Variants in CHUK observed in about 807,000 individuals in gnomAD.
CHUK encodes the protein component of inhibitor of nuclear factor kappa B kinase complex, also known as inhibitor of nuclear factor kappa-B kinase subunit alpha.
In CHUK, 35 loss-of-function variants were observed where a neutral mutation model predicts 104.8. The observed-to-expected ratio is 0.33, with a 90% CI of 0.26 to 0.44. The LOEUF is 0.44. Among genes scored for constraint, CHUK ranks in the 20% least tolerant of loss-of-function variants. CHUK has a pLI of 1.00. For missense variants in CHUK, 663 were observed against 902.7 expected (o/e 0.73, Z 3.40); for synonymous variants, 276 against 291.9 (o/e 0.95, Z 0.56).
At chr10:100,204,986 T>C in intron 12 of CHUK, 90 bp downstream of exon 12, 1 of 1,432,484 alleles carries the variant, frequency 7.0e-7, no homozygotes, top group South Asian at 1.2e-5. Flanking sequence ...TACTATTACA[T>C]GCAATATTGA....
At chr10:100,201,572 T>C (rs1845462996) in intron 14 of CHUK, among the ~76,000 whole-genome samples, 1 of 152,148 alleles carries the variant, frequency 6.6e-6, no homozygotes, top group Non-Finnish European at 1.5e-5. Flanking sequence ...ATATGGAAAC[T>C]AGCTGGATGT....
At chr10:100,227,918 A>C (rs543798090) in intron 1 of CHUK, among the ~76,000 whole-genome samples, 1 of 152,300 alleles carries the variant, frequency 6.6e-6, no homozygotes, top group Non-Finnish European at 1.5e-5. Context: ...GTAAGATCTT[A>C]CCTGTTCATC....
chr10:100,227,466 G>A (rs1245655060), intron 1 of CHUK, among the ~76,000 whole-genome samples: 1 of 151,822 alleles, frequency 6.6e-6, no homozygotes, highest in Non-Finnish European at 1.5e-5. Flanking sequence ...CTGCCAGCAT[G>A]CATCCTTTTT....
At chr10:100,221,922 C>A (rs17880122) in intron 4 of CHUK, among the ~76,000 whole-genome samples, 190 bp downstream of exon 4, 1 of 152,166 alleles carries the variant, frequency 6.6e-6, no homozygotes, top group South Asian at 2.1e-4. Context: ...AGGCGTGAGC[C>A]ACCGCACCTA....
In CHUK at chr10:100,191,017, T is replaced by C; in HGVS notation, c.2109-49A>G. On this transcript the variant is annotated intron_variant, in intron 19 of 20. Transcript: ENST00000370397. ...TTTTCAAACTCAGGAAAAGGGCATA[T>C]GAATTTCCTCTACTTTCTAGTCTTC... The C allele has an allele frequency of 4.5e-6, 5 of 1,104,742 alleles. No homozygotes were observed. The East Asian group carries it at 7.0e-5, about 16-fold the overall frequency. The allele number at this position is 1,104,742 out of a possible 1,614,324, so 68.4% of individuals were successfully genotyped here.
rs1294640482 is a variant in CHUK, at chr10:100,218,999, A to G, written c.689+9T>C. 6.2e-7 allele frequency: 1 copy of G among 1,613,906 alleles called. No homozygotes were observed. The highest frequency in any genetic ancestry group is 8.5e-7 in the Non-Finnish European group (1 of 1,179,948). ...ATTAAGCATGCCCAAGTTCTCATCC[A>G]TTTCTTACCAGGTAAATGGCTGCAG... On this transcript the variant is annotated intron_variant, in intron 7 of 20. Transcript: ENST00000370397.
intron 13 of CHUK, among the ~76,000 whole-genome samples, chr10:100,203,911 C>T (rs1005258999): frequency 1.3e-5 from 2 of 152,148 alleles, no homozygotes; most frequent in African/African-American, 4.8e-5. Context: ...ATAAAAACAA[C>T]AGAAATTTAT....
rs59218517 is a variant in CHUK, at chr10:100,228,993, G to GCACACACACACA, written c.105+423_105+434dup. ...GGCCTCCAAGCGCGCGCGCGCGCGCGCACACACACACACACACACACACAC... is the reference window on the plus strand; with the variant it reads ...GGCCTCCAAGCGCGCGCGCGCGCGCGCACACACACACACACACACACACACACACACACACAC... On this transcript the variant is annotated intron_variant, in intron 1 of 20. Coordinates refer to ENST00000370397, the MANE Select transcript of CHUK (RefSeq NM_001278.5). Among the ~76,000 whole-genome samples, 853 of 133,532 alleles carry GCACACACACACA rather than the reference G, an allele frequency of 6.4e-3. 3 individuals carry two copies. The highest frequency in any genetic ancestry group is 0.039 in the East Asian group (170 of 4,338). The allele number at this position is 133,532 out of a possible 152,430, so 87.6% of individuals were successfully genotyped here.
chr10:100,195,076 A>T (rs527662229), intron 16 of CHUK: 6 of 152,566 alleles, frequency 3.9e-5, no homozygotes, highest in Admixed American at 2.6e-4. Flanking sequence ...GCAGTATGAC[A>T]TCTTAAAGCC....
Position 100,222,955 on chromosome 10 carries a change from C to A in CHUK, c.226G>T (p.Ala76Ser), listed in dbSNP as rs765869094. The A allele has an allele frequency of 1.1e-5, 18 of 1,599,758 alleles. No homozygotes were observed. Among genetic ancestry groups the A allele is most frequent in the Non-Finnish European group, 1.5e-5 (17 of 1,167,424 alleles). Residue 76 changes from alanine to serine, a missense_variant, in exon 3 of 21, where the codon GCC (alanine) becomes TCC (serine). Around this residue, in one of 5 missense-constraint regions of CHUK, gnomAD observed 200 missense variants for 333.0 expected, o/e 0.60. Transcript: ENST00000370397. Reference protein sequence around the residue: ...KKLNHANVVKACDVPEELNIL... With the variant: ...KKLNHANVVKSCDVPEELNIL... ...TTCAATTCTTCAGGAACATCACAGG[C>A]CTTTACAACATTGGCATGGTTCAAC...
chr10:100,201,972 T>TTG, intron 14 of CHUK, 116 bp downstream of exon 14: 1 of 801,996 alleles, frequency 1.2e-6, no homozygotes, highest in African/African-American at 1.7e-5. Context: ...TACTAGAATT[T>TTG]TGTCTGAATT....
At chr10:100,193,572 C>T in intron 18 of CHUK, 141 bp from the exon 19 acceptor site, 1 of 979,370 alleles carries the variant, frequency 1.0e-6, no homozygotes, top group Non-Finnish European at 1.6e-6. Flanking sequence ...AAAACTATTC[C>T]CACCTTTACA....
In CHUK at chr10:100,194,524, A is replaced by G. The variant is rs774320218; in HGVS notation, c.1730-3T>C. ...TGTGCTGTCACTGTAGGAGTGATCT[A>G]TAAAAGACATCAGTCAGTGGATATA... is the stretch of plus-strand genomic sequence containing the variant. On this transcript the variant is annotated splice_polypyrimidine_tract_variant and splice_region_variant and intron_variant, in intron 16 of 20. Coordinates refer to ENST00000370397, the MANE Select transcript of CHUK (RefSeq NM_001278.5). The G allele has an allele frequency of 6.3e-7, 1 of 1,592,560 alleles. No homozygotes were observed. Among genetic ancestry groups the G allele is most frequent in the South Asian group, 1.1e-5 (1 of 90,422 alleles).
downstream of CHUK, chr10:100,186,712 T>TA (rs1422145282): frequency 1.3e-5 from 2 of 151,994 alleles, no homozygotes; most frequent in African/African-American, 4.8e-5. Flanking sequence ...CGTTTTAAAT[T>TA]AAAAAACCAT....
rs557208890 is a variant in CHUK, at chr10:100,208,471, G to A, written c.1128+1124C>T. 2.6e-5 allele frequency among the ~76,000 whole-genome samples: 4 copies of A among 151,796 alleles called. No individual in the cohort carries two copies. The South Asian group carries it at 8.5e-4, about 32-fold the overall frequency. On this transcript the variant is annotated intron_variant, in intron 10 of 20. Coordinates refer to ENST00000370397, the MANE Select transcript of CHUK (RefSeq NM_001278.5). ...ACTAATGCAGGCCTAAATAACAACT[G>A]TTTCAGCACGACTGAGTGGTGAAGT...
At chr10:100,207,617 TACATGCTACA>T (rs1254838597) in intron 10 of CHUK, among the ~76,000 whole-genome samples, 1 of 152,154 alleles carries the variant, frequency 6.6e-6, no homozygotes. Context: ...GAAGTACTGA[TACATGCTACA>T]ACATGCACGG....
intron 2 of CHUK, among the ~76,000 whole-genome samples, chr10:100,223,506 C>T (rs927082162): frequency 6.6e-6 from 1 of 151,396 alleles, no homozygotes; most frequent in African/African-American, 2.4e-5. Context: ...GGTGTGGTGG[C>T]GCATGCCTAT....
chr10:100,216,707 A>G (rs539128458), intron 9 of CHUK, among the ~76,000 whole-genome samples: 1 of 152,344 alleles, frequency 6.6e-6, no homozygotes, highest in South Asian at 2.1e-4. Context: ...TCAATTTTAG[A>G]AACCTGTATA....
At chr10:100,192,745 G>C (rs1845233392) in intron 19 of CHUK, 1 of 988,188 alleles carries the variant, frequency 1.0e-6, no homozygotes, top group Admixed American at 5.8e-5. Context: ...AAAAGAGTAG[G>C]AATTAATAAA....
Sources: gnomAD v4.1 joint callset for allele counts (sites outside exome capture counted in the v4.1 genomes callset) on GRCh38, gnomAD v4.1.1 for gene constraint, gnomAD v4.1.1 regional missense constraint, MANE v1.5 for transcripts, NCBI Gene and HGNC (gene_info 2026-07-23, HGNC 2026-07-21) for gene names.